The following PITPNM3 variants were observed in gnomAD, a reference collection of about 807,000 sequenced individuals.
The protein encoded by PITPNM3 is PITPNM family member 3, also known as membrane-associated phosphatidylinositol transfer protein 3.
A neutral mutation model predicts 102.0 loss-of-function variants in PITPNM3; 26 were observed. The ratio of observed to expected loss-of-function variants is 0.25; its 90% CI spans 0.19 to 0.35. The LOEUF is 0.35. Among genes scored for constraint, PITPNM3 ranks in the 10% least tolerant of loss-of-function variants. The pLI, the probability that PITPNM3 is intolerant of heterozygous loss-of-function variation, is 1.00. For synonymous variants in PITPNM3, 578 were observed against 558.6 expected (o/e 1.03, Z -0.49); for missense variants, 1,083 against 1,346.1 (o/e 0.80, Z 3.06).
Position 6,541,960 on chromosome 17 carries a change from C to T in PITPNM3, c.23-3878G>A, listed in dbSNP as rs1461854218. 2.6e-5 allele frequency among the ~76,000 whole-genome samples: 4 copies of T among 152,260 alleles called. No homozygotes were observed. The East Asian group carries it at 7.7e-4, about 29-fold the overall frequency. Reference sequence around the variant, plus strand: ...TCCTAACCAAGCCTAGCAAAGTAGACATACTGAATCCCCACCTTACAGCTA... The same window carrying T: ...TCCTAACCAAGCCTAGCAAAGTAGATATACTGAATCCCCACCTTACAGCTA... On this transcript the variant is annotated intron_variant, in intron 1 of 19. Coordinates refer to ENST00000262483, the MANE Select transcript of PITPNM3 (RefSeq NM_031220.4).
At chr17:6,550,587 C>T (rs118100732) in intron 1 of PITPNM3, among the ~76,000 whole-genome samples, 3,214 of 152,338 alleles carry the variant, frequency 0.021, 84 homozygotes, top group East Asian at 0.11. Context: ...GGTCTGGTCT[C>T]TGTCTCCCAA....
rs144618443 is a variant in PITPNM3 at position 6,552,755 on chromosome 17, TC to T, written c.22+3629del. Among the ~76,000 whole-genome samples, 4 of 145,606 alleles carry T rather than the reference TC, an allele frequency of 2.7e-5. No homozygotes were observed. In the South Asian group the frequency reaches 6.4e-4, roughly 23 times the overall value. The stretch of plus-strand genomic sequence containing the variant: ...CTGGAAGCCGGCCCCTGGCCACCTT[TC>T]TTTTTCTTTTTTTTTTTTTTTTTTT... On this transcript the variant is annotated intron_variant, in intron 1 of 19. Transcript: ENST00000262483.
intron 3 of PITPNM3, among the ~76,000 whole-genome samples, chr17:6,519,199 C>T (rs536257168): frequency 0.065 from 2,186 of 33,602 alleles, 822 homozygotes; most frequent in Non-Finnish European, 0.09. Context: ...TAGCCGGGCG[C>T]GGTGGCGGGC....
intron 4 of PITPNM3, among the ~76,000 whole-genome samples, chr17:6,491,061 G>A (rs1906437267): frequency 1.5e-5 from 1 of 68,944 alleles, no homozygotes; most frequent in Admixed American, 1.4e-4. Flanking sequence ...GAGGAAAGGG[G>A]AGGGGGAGGG....
rs561584656 is a variant in PITPNM3 at position 6,503,571 on chromosome 17, T to C, written c.230A>G (p.Glu77Gly). The change falls in exon 4 of 20, where the codon GAA (glutamate) becomes GGA (glycine). Residue 77 changes from glutamate (E) to glycine (G), a missense_variant. This residue lies in a region of PITPNM3 where 290 missense variants were observed against 337.8 expected (regional missense o/e 0.86). Transcript: ENST00000262483. ...TMGKLDEHQG[E>G]GTAPCTSSIL... ...GCTGGATGTGCACGGCGCGGTCCCTTCTCCTGCAGAAAAAGAAAAGAAACA... is the reference window on the plus strand; with the variant it reads ...GCTGGATGTGCACGGCGCGGTCCCTCCTCCTGCAGAAAAAGAAAAGAAACA... 4 of 1,609,970 alleles carry C rather than the reference T, an allele frequency of 2.5e-6. No individual in the cohort carries two copies. The highest frequency in any genetic ancestry group is 2.7e-5 in the African/African-American group (2 of 75,018).
intron 1 of PITPNM3, among the ~76,000 whole-genome samples, chr17:6,554,148 C>T (rs974896981): frequency 3.3e-5 from 5 of 151,720 alleles, no homozygotes; most frequent in South Asian, 2.1e-4. Context: ...ATGAAACCTT[C>T]GTCTCTACTA....
chr17:6,463,628 C>A (rs1904607648), intron 17 of PITPNM3, 104 bp downstream of exon 17: 2 of 1,470,060 alleles, frequency 1.4e-6, no homozygotes, highest in Admixed American at 4.0e-5. Flanking sequence ...GCCCCAGAGA[C>A]CGGTAGAATT....
At chr17:6,551,165 G>A (rs1191908237) in intron 1 of PITPNM3, among the ~76,000 whole-genome samples, 1 of 151,816 alleles carries the variant, frequency 6.6e-6, no homozygotes, top group East Asian at 1.9e-4. Flanking sequence ...AGACCATCCT[G>A]GCTAACACGG....
At chr17:6,477,315 A>G (rs1905368045) in intron 8 of PITPNM3, 102 bp from the exon 9 acceptor site, 1 of 1,219,398 alleles carries the variant, frequency 8.2e-7, no homozygotes, top group Non-Finnish European at 1.2e-6. Context: ...CCTTCATCCT[A>G]AGATGTGAGG....
At chr17:6,513,125 TC>T (rs1281275711) in intron 3 of PITPNM3, among the ~76,000 whole-genome samples, 2 of 149,596 alleles carry the variant, frequency 1.3e-5, no homozygotes, top group Non-Finnish European at 3.0e-5. Context: ...AAAAATACAT[TC>T]AACAAACTAG....
At chr17:6,464,393 G>A (rs1043731463) in intron 15 of PITPNM3, 75 bp from the exon 16 acceptor site, 2 of 1,505,428 alleles carry the variant, frequency 1.3e-6, no homozygotes, top group African/African-American at 1.4e-5. Context: ...CTGGGCGGGG[G>A]AACTCTGGGC....
intron 1 of PITPNM3, among the ~76,000 whole-genome samples, chr17:6,555,392 C>T (rs1265442741): frequency 2.0e-5 from 3 of 152,202 alleles, no homozygotes; most frequent in African/African-American, 7.2e-5. Context: ...TTCACTGTCG[C>T]GCCCGGTCCT....
intron 3 of PITPNM3, among the ~76,000 whole-genome samples, chr17:6,505,193 A>ATATATATATATATAT (rs1198801942): frequency 3.0e-4 from 22 of 72,280 alleles, no homozygotes; most frequent in African/African-American, 9.9e-4. Flanking sequence ...GAAGACAAAT[A>ATATATATATATATAT]AAATATATAT....
rs1286468374 is a variant in PITPNM3, at chr17:6,497,378, G to A, written c.274+6149C>T. Among the ~76,000 whole-genome samples the A allele has an allele frequency of 2.0e-5, 3 of 152,290 alleles. No homozygotes were observed. The East Asian group carries it at 5.8e-4, about 29-fold the overall frequency. On this transcript the variant is annotated intron_variant, in intron 4 of 19. Coordinates refer to ENST00000262483, the MANE Select transcript of PITPNM3 (RefSeq NM_031220.4). ...TGCCCACGATGGGGAGAGGTGAGCT[G>A]AGCCATCTACATCTCTCTGCATCTG...
chr17:6,458,389 C>A lies in PITPNM3; in HGVS notation c.2491-667G>T, dbSNP rs968846369. Among the ~76,000 whole-genome samples the A allele has an allele frequency of 6.6e-6, 1 of 152,176 alleles. No homozygotes were observed. Among genetic ancestry groups the A allele is most frequent in the Admixed American group, 6.5e-5 (1 of 15,284 alleles). On this transcript the variant is annotated intron_variant, in intron 18 of 19. Coordinates refer to ENST00000262483, the MANE Select transcript of PITPNM3 (RefSeq NM_031220.4). The surrounding 1 kb of genome is among the most constrained non-coding windows in gnomAD (Gnocchi z 5.1). ...TTCTCCCACTCACACTCCTCTCAAG[C>A]CATTGGAGACTTTGGTCCTGGGTCA...
intron 8 of PITPNM3, among the ~76,000 whole-genome samples, 187 bp from the exon 9 acceptor site, chr17:6,477,400 G>T (rs901230893): frequency 6.6e-6 from 1 of 152,102 alleles, no homozygotes; most frequent in Non-Finnish European, 1.5e-5. Context: ...GCTCTCTCCC[G>T]CATCCACCGG....
chr17:6,505,190 A>AAC lies in PITPNM3; in HGVS notation c.227-1617_227-1616insGT, dbSNP rs1567679775. 2.9e-3 allele frequency among the ~76,000 whole-genome samples: 315 copies of AAC among 109,326 alleles called. 1 individual carries two copies. Among genetic ancestry groups the AAC allele is most frequent in the African/African-American group, 0.01 (303 of 30,120 alleles). The allele number at this position is 109,326 out of a possible 152,430, so 71.7% of individuals were successfully genotyped here. On this transcript the variant is annotated intron_variant, in intron 3 of 19. Transcript: ENST00000262483. ...GACTCCGTCTCCAAAAAAGAAGACA[A>AAC]ATAAAATATATATATATATATATAT...
intron 3 of PITPNM3, among the ~76,000 whole-genome samples, chr17:6,508,093 GTTCA>G (rs1907647091): frequency 6.6e-6 from 1 of 152,118 alleles, no homozygotes; most frequent in African/African-American, 2.4e-5. Flanking sequence ...GGAATGCAGA[GTTCA>G]GAGGCCGGAA....
At chr17:6,531,737 G>T (rs1909157995) in intron 2 of PITPNM3, among the ~76,000 whole-genome samples, 2 of 152,144 alleles carry the variant, frequency 1.3e-5, no homozygotes, top group Admixed American at 6.5e-5. Context: ...CCTTGCTGGG[G>T]CTGTGAACCC....
Sources: gnomAD v4.1 joint callset for allele counts (sites outside exome capture counted in the v4.1 genomes callset) on GRCh38, gnomAD v4.1.1 for gene constraint, gnomAD v4.1.1 regional missense constraint, Gnocchi (gnomAD v3.1) non-coding constraint, MANE v1.5 for transcripts, NCBI Gene and HGNC (gene_info 2026-07-23, HGNC 2026-07-21) for gene names.